The following SLC24A2 variants were observed in gnomAD, a reference collection of about 807,000 sequenced individuals.
The protein encoded by SLC24A2 is sodium/potassium/calcium exchanger 2.
SLC24A2 carries 36 observed loss-of-function variants against 62.0 expected under a neutral mutation model. The ratio of observed to expected loss-of-function variants is 0.58; its 90% confidence interval spans 0.44 to 0.77. SLC24A2 has a LOEUF of 0.77. Among genes scored for constraint, SLC24A2 ranks in the 30% least tolerant of loss-of-function variants. SLC24A2 has a pLI of 0.00. For synonymous variants in SLC24A2, 358 were observed against 294.0 expected (o/e 1.22, Z -2.23); for missense variants, 846 against 817.9 (o/e 1.03, Z -0.42).
intron 2 of SLC24A2, among the ~76,000 whole-genome samples, chr9:19,622,866 T>C (rs935088174): frequency 2.0e-5 from 3 of 152,136 alleles, no homozygotes; most frequent in Non-Finnish European, 4.4e-5. Flanking sequence ...GTATTATGAA[T>C]AAAATAAAGC....
chr9:19,773,679 CA>C (rs1408300924), intron 2 of SLC24A2, among the ~76,000 whole-genome samples: 5 of 152,184 alleles, frequency 3.3e-5, no homozygotes, highest in Middle Eastern at 3.2e-3. Context: ...CCAGATACTG[CA>C]AATGGGACCA....
intron 2 of SLC24A2, among the ~76,000 whole-genome samples, chr9:19,767,745 T>C (rs1026724567): frequency 1.6e-4 from 25 of 152,238 alleles, no homozygotes. Flanking sequence ...CTGTTTTTAT[T>C]CAGCCAACTT....
chr9:19,541,938 C>T (rs1311981976), intron 8 of SLC24A2, among the ~76,000 whole-genome samples: 1 of 152,216 alleles, frequency 6.6e-6, no homozygotes, highest in Non-Finnish European at 1.5e-5. Flanking sequence ...GTCTGAAAAG[C>T]GCAATATTCG....
At chr9:19,622,415 G>C (rs1817929880) in intron 2 of SLC24A2, 116 bp from the exon 3 acceptor site, 1 of 1,100,456 alleles carries the variant, frequency 9.1e-7, no homozygotes, top group South Asian at 1.3e-5. Context: ...CATTCTTTCT[G>C]CTCCTGGGAT....
intron 2 of SLC24A2, among the ~76,000 whole-genome samples, chr9:19,757,630 G>A (rs1315542567): frequency 6.6e-6 from 1 of 152,122 alleles, no homozygotes; most frequent in Non-Finnish European, 1.5e-5. Flanking sequence ...GAATTTCCCA[G>A]TCTTTTAAAG....
the SLC24A2 span, among the ~76,000 whole-genome samples, chr9:20,078,161 C>T: frequency 1.4e-4 from 21 of 152,204 alleles, no homozygotes; most frequent in Admixed American, 5.2e-4. Context: ...AGAGCACCAA[C>T]GCAGAGAATT....
the SLC24A2 span, among the ~76,000 whole-genome samples, chr9:20,100,347 C>T: frequency 5.0e-3 from 766 of 152,280 alleles, 11 homozygotes; most frequent in African/African-American, 0.018. Context: ...AAGCATAAGT[C>T]CCTATGCCTG....
chr9:19,637,041 C>T (rs574914047), intron 2 of SLC24A2, among the ~76,000 whole-genome samples: 1 of 152,082 alleles, frequency 6.6e-6, no homozygotes, highest in Admixed American at 6.5e-5. Flanking sequence ...ATCTTGAAAG[C>T]CTAAATAATA....
the SLC24A2 span, among the ~76,000 whole-genome samples, chr9:20,287,570 C>T: frequency 3.6e-4 from 55 of 152,282 alleles, 1 homozygote; most frequent in African/African-American, 1.1e-3. Flanking sequence ...ACTCATACAA[C>T]GAACAGTTTT....
the SLC24A2 span, among the ~76,000 whole-genome samples, chr9:19,943,252 T>C: frequency 6.7e-6 from 1 of 149,132 alleles, no homozygotes. Context: ...GGGACACTCA[T>C]TTAAAGTTGT....
At chr9:19,840,004 A>G in the SLC24A2 span, among the ~76,000 whole-genome samples, 384 of 152,304 alleles carry the variant, frequency 2.5e-3, 3 homozygotes, top group African/African-American at 8.4e-3. Flanking sequence ...ACAATGATGA[A>G]ATCACCTAAG....
chr9:20,279,170 T>C, the SLC24A2 span, among the ~76,000 whole-genome samples: 2 of 152,200 alleles, frequency 1.3e-5, no homozygotes, highest in Non-Finnish European at 2.9e-5. Context: ...ACATGGGGAT[T>C]ATGGGAACTA....
chr9:19,746,607 A>G (rs1482752165), intron 2 of SLC24A2, among the ~76,000 whole-genome samples: 4 of 152,174 alleles, frequency 2.6e-5, no homozygotes, highest in African/African-American at 9.7e-5. Context: ...AATTATTATT[A>G]TTGATCCAGA....
At chr9:19,983,373 G>A in the SLC24A2 span, among the ~76,000 whole-genome samples, 3 of 152,156 alleles carry the variant, frequency 2.0e-5, no homozygotes, top group Admixed American at 6.6e-5. Flanking sequence ...GGCTGGGCAC[G>A]GTGGCTCACA....
At chr9:19,961,105 GAGAC>G in the SLC24A2 span, among the ~76,000 whole-genome samples, 1 of 146,480 alleles carries the variant, frequency 6.8e-6, no homozygotes, top group Non-Finnish European at 1.5e-5. Flanking sequence ...AAAGGAGAGA[GAGAC>G]AGAAGAAAGG....
intron 8 of SLC24A2, among the ~76,000 whole-genome samples, chr9:19,530,012 C>G (rs1204693773): frequency 6.6e-6 from 1 of 151,764 alleles, no homozygotes; most frequent in African/African-American, 2.4e-5. Flanking sequence ...TTCAGCCTCC[C>G]AAAGTGCTAG....
chr9:20,098,473 C>T, the SLC24A2 span, among the ~76,000 whole-genome samples: 1 of 152,134 alleles, frequency 6.6e-6, no homozygotes, highest in African/African-American at 2.4e-5. Flanking sequence ...CATTTGATCT[C>T]CTTTCATTAC....
At chr9:19,818,848 T>C in the SLC24A2 span, among the ~76,000 whole-genome samples, 1 of 151,966 alleles carries the variant, frequency 6.6e-6, no homozygotes, top group Admixed American at 6.6e-5. Context: ...AAAAAACAAT[T>C]CTGAAATTCA....
chr9:20,013,581 G>A, the SLC24A2 span, among the ~76,000 whole-genome samples: 24 of 152,234 alleles, frequency 1.6e-4, 1 homozygote, highest in East Asian at 2.3e-3. Flanking sequence ...AAACTAAAAA[G>A]CTTTTGCACA....
Sources: gnomAD v4.1 joint callset for allele counts (sites outside exome capture counted in the v4.1 genomes callset) on GRCh38, gnomAD v4.1.1 for gene constraint, MANE v1.5 for transcripts, NCBI Gene and HGNC (gene_info 2026-07-23, HGNC 2026-07-21) for gene names.